Variants in KIFAP3 observed in about 807,000 individuals in gnomAD.
KIFAP3 encodes the protein kinesin associated protein 3, also known as kinesin-associated protein 3.
A neutral mutation model predicts 106.5 loss-of-function variants in KIFAP3; 68 were observed. The observed-to-expected ratio is 0.64, with a 90% CI of 0.53 to 0.78. The LOEUF (loss-of-function observed/expected upper bound fraction) is 0.78. Ranked by LOEUF, KIFAP3 falls within the 30% of genes least tolerant of loss-of-function variation. KIFAP3 has a pLI of 0.00. For synonymous variants in KIFAP3, 320 were observed against 311.5 expected (o/e 1.03, Z -0.29); for missense variants, 780 against 941.8 (o/e 0.83, Z 2.25).
Position 170,017,513 on chromosome 1 carries a change from T to A in KIFAP3, c.1021-889A>T, listed in dbSNP as rs940085579. 2.0e-5 allele frequency among the ~76,000 whole-genome samples: 3 copies of A among 152,250 alleles called. No homozygotes were observed. The East Asian group carries it at 5.8e-4, about 29-fold the overall frequency. On this transcript the variant is annotated intron_variant, in intron 9 of 19. Coordinates refer to ENST00000361580, the MANE Select transcript of KIFAP3 (RefSeq NM_014970.4). ...ATCGGCATTTAGGAATAAAAGAGCCTGTTAGGGAATTGCAAGTGATTTAGT... is the reference window on the plus strand; with the variant it reads ...ATCGGCATTTAGGAATAAAAGAGCCAGTTAGGGAATTGCAAGTGATTTAGT...
chr1:169,969,141 C>T (rs1264972028), intron 17 of KIFAP3, among the ~76,000 whole-genome samples: 3 of 151,920 alleles, frequency 2.0e-5, no homozygotes, highest in Non-Finnish European at 2.9e-5. Context: ...GAAATTTCTG[C>T]CAACAATTCA....
chr1:170,021,426 G>C (rs906061215), intron 9 of KIFAP3, among the ~76,000 whole-genome samples: 2 of 131,550 alleles, frequency 1.5e-5, no homozygotes, highest in East Asian at 4.7e-4. Context: ...TGGAGAGTTT[G>C]TTATTAAGTT....
chr1:169,997,889 A>G (rs1406092300), intron 10 of KIFAP3, among the ~76,000 whole-genome samples: 4 of 38,488 alleles, frequency 1.0e-4, no homozygotes, highest in African/African-American at 5.7e-4. Flanking sequence ...AAAAGAAAAA[A>G]AAAAGGATAA....
At chr1:170,028,424 G>A (rs541226138) in intron 8 of KIFAP3, among the ~76,000 whole-genome samples, 45 of 151,958 alleles carry the variant, frequency 3.0e-4, no homozygotes, top group Admixed American at 1.1e-3. Context: ...TGCAACCTCC[G>A]CTCCCAGGTT....
chr1:169,972,453 A>G, intron 17 of KIFAP3, 60 bp downstream of exon 17: 2 of 848,940 alleles, frequency 2.4e-6, no homozygotes, highest in African/African-American at 1.7e-5. Context: ...TAGGTTTACA[A>G]TGACTTTCTC....
At chr1:170,065,688 T>C (rs1287547630) in intron 1 of KIFAP3, among the ~76,000 whole-genome samples, 2 of 151,138 alleles carry the variant, frequency 1.3e-5, no homozygotes, top group Non-Finnish European at 2.9e-5. Flanking sequence ...AAACCTATGC[T>C]GTCTGATACA....
chr1:170,037,703 A>G (rs546136635), intron 5 of KIFAP3, among the ~76,000 whole-genome samples: 4 of 152,074 alleles, frequency 2.6e-5, no homozygotes, highest in African/African-American at 7.2e-5. Flanking sequence ...GCAGTGAGCC[A>G]AAGGTTGCAG....
chr1:170,016,127 G>A (rs1668500464), intron 10 of KIFAP3, among the ~76,000 whole-genome samples: 1 of 151,948 alleles, frequency 6.6e-6, no homozygotes, highest in African/African-American at 2.4e-5. Flanking sequence ...GAACTTAAAC[G>A]ATACCTGCGT....
chr1:170,045,976 T>C (rs1241693208), intron 3 of KIFAP3, among the ~76,000 whole-genome samples: 1 of 151,956 alleles, frequency 6.6e-6, no homozygotes, highest in Non-Finnish European at 1.5e-5. Context: ...AAACAGCTGA[T>C]GCCAACCAGT....
At chr1:170,084,750 A>AT (rs1045173522) in intron 1 of KIFAP3, among the ~76,000 whole-genome samples, 40 of 152,292 alleles carry the variant, frequency 2.6e-4, no homozygotes, top group African/African-American at 8.9e-4. Flanking sequence ...GGCATGCAAA[A>AT]TAAGTTGGGA....
At chr1:169,960,928 G>T in intron 18 of KIFAP3, 118 bp downstream of exon 18, 1 of 666,722 alleles carries the variant, frequency 1.5e-6, no homozygotes, top group Non-Finnish European at 2.4e-6. Context: ...AAAATCATTA[G>T]CAGACCATTC....
intron 1 of KIFAP3, among the ~76,000 whole-genome samples, chr1:170,057,361 G>A (rs1224837015): frequency 6.6e-6 from 1 of 151,978 alleles, no homozygotes; most frequent in Admixed American, 6.6e-5. Context: ...CTCCTTTTTA[G>A]TTTTTGTTTG....
At chr1:170,001,590 G>C (rs1234174189) in intron 10 of KIFAP3, among the ~76,000 whole-genome samples, 2 of 152,044 alleles carry the variant, frequency 1.3e-5, no homozygotes, top group African/African-American at 2.4e-5. Flanking sequence ...TTTATTTATA[G>C]GATAAATGAG....
chr1:170,062,211 C>T (rs1449444131), intron 1 of KIFAP3, among the ~76,000 whole-genome samples: 2 of 138,820 alleles, frequency 1.4e-5, no homozygotes, highest in African/African-American at 5.9e-5. Context: ...CAATGAGATA[C>T]CATCAAAAAA....
At chr1:169,928,723 T>TAAAAAAAAAAAAAAA (rs1258694998) in intron 19 of KIFAP3, among the ~76,000 whole-genome samples, 25 of 65,370 alleles carry the variant, frequency 3.8e-4, no homozygotes, top group Admixed American at 6.1e-4. Context: ...AAAAAAAAAT[T>TAAAAAAAAAAAAAAA]AAAGTTATAC....
chr1:169,928,111 TTTC>T (rs1241915915), intron 19 of KIFAP3, among the ~76,000 whole-genome samples: 2 of 151,396 alleles, frequency 1.3e-5, no homozygotes, highest in African/African-American at 4.9e-5. Context: ...CTCTTTTTTT[TTTC>T]TTTGAGATGG....
chr1:169,981,869 A>C (rs1408810184), intron 15 of KIFAP3, 103 bp downstream of exon 15: 9 of 907,796 alleles, frequency 9.9e-6, no homozygotes, highest in Non-Finnish European at 1.3e-5. Context: ...GAAACAATTA[A>C]TGTAATGAGA....
chr1:169,963,133 T>C (rs1387403476), intron 17 of KIFAP3, among the ~76,000 whole-genome samples: 1 of 152,164 alleles, frequency 6.6e-6, no homozygotes, highest in African/African-American at 2.4e-5. Flanking sequence ...TCCTGATGTC[T>C]CTTGTTCCCT....
intron 10 of KIFAP3, among the ~76,000 whole-genome samples, chr1:170,009,343 GA>G (rs149353392): frequency 0.028 from 4,318 of 151,574 alleles, 170 homozygotes; most frequent in East Asian, 0.12. Context: ...ACACACAACA[GA>G]AAAAAAAGTG....
Sources: allele counts gnomAD v4.1 joint callset (sites outside exome capture counted in the v4.1 genomes callset), GRCh38; gene constraint gnomAD v4.1.1; transcripts MANE v1.5; gene names NCBI Gene and HGNC (gene_info 2026-07-23, HGNC 2026-07-21).